Variants in SNAP91 observed in about 807,000 individuals in gnomAD.
SNAP91 encodes the protein synaptosome associated protein 91.
Under a neutral mutation model 100.3 loss-of-function variants are expected in SNAP91, and 27 were observed. The observed-to-expected ratio is 0.27, with a 90% CI of 0.20 to 0.37. SNAP91 has a LOEUF of 0.37. Ranked by LOEUF, SNAP91 falls within the 10% of genes least tolerant of loss-of-function variation. SNAP91 has a pLI of 1.00. For missense variants in SNAP91, 986 were observed against 1,123.7 expected (o/e 0.88, Z 1.75); for synonymous variants, 404 against 398.6 (o/e 1.01, Z -0.16).
chr6:83,605,899 G>A, intron 13 of SNAP91, 96 bp from the exon 14 acceptor site: 1 of 1,036,460 alleles, frequency 9.6e-7, no homozygotes. Context: ...AAAGATTTTA[G>A]GTATTTTAAA....
rs567048104 is a variant in SNAP91 at position 83,648,166 on chromosome 6, A to C, written c.659-6964T>G. Among the ~76,000 whole-genome samples the C allele has an allele frequency of 1.1e-4, 17 of 152,288 alleles. No homozygotes were observed. In the South Asian group the frequency reaches 3.5e-3, roughly 32 times the overall value. ...CCACTAGTCTCTTTTCTGTCACTGT[A>C]AGTTAGTTTGCATTTTCTAAAATTT... On this transcript the variant is annotated intron_variant, in intron 7 of 29. Coordinates refer to ENST00000369694, the MANE Select transcript of SNAP91 (RefSeq NM_001242792.2).
intron 3 of SNAP91, among the ~76,000 whole-genome samples, chr6:83,662,681 T>G (rs1350767414): frequency 3.3e-5 from 5 of 152,138 alleles, no homozygotes; most frequent in Non-Finnish European, 7.4e-5. Flanking sequence ...TACATAAAAT[T>G]GGTAATTTTA....
intron 13 of SNAP91, 89 bp from the exon 14 acceptor site, chr6:83,605,892 G>T: frequency 1.9e-6 from 2 of 1,057,874 alleles, no homozygotes; most frequent in East Asian, 2.7e-5. Flanking sequence ...AATCATCAAA[G>T]ATTTTAGGTA....
In SNAP91 at chr6:83,591,533, T is replaced by C. The variant is rs1364616976; in HGVS notation, c.1931-239A>G. 2.6e-5 allele frequency among the ~76,000 whole-genome samples: 4 copies of C among 152,214 alleles called. No homozygotes were observed. In the East Asian group the frequency reaches 5.8e-4, roughly 22 times the overall value. On this transcript the variant is annotated intron_variant, in intron 21 of 29. Coordinates refer to ENST00000369694, the MANE Select transcript of SNAP91 (RefSeq NM_001242792.2). ...TTTGTAAGATTAAGGGAATTCTTTT[T>C]TTTTTCTAAGAATAAAATTTTTGGA... is the stretch of plus-strand genomic sequence containing the variant.
rs903096678 is a variant in SNAP91, at chr6:83,660,876, T to A, written c.452+626A>T. Among the ~76,000 whole-genome samples the A allele has an allele frequency of 2.0e-5, 3 of 151,644 alleles. No individual in the cohort carries two copies. The South Asian group carries it at 6.3e-4, about 32-fold the overall frequency. On this transcript the variant is annotated intron_variant, in intron 5 of 29. Coordinates refer to ENST00000369694, the MANE Select transcript of SNAP91 (RefSeq NM_001242792.2). ...TCACTGTAGCCTCAGTCTCCTAGGATCAAGCAATCCTCCTGCCTTAGCCTC... is the reference window on the plus strand; with the variant it reads ...TCACTGTAGCCTCAGTCTCCTAGGAACAAGCAATCCTCCTGCCTTAGCCTC...
chr6:83,561,553 T>C (rs1364001720), intron 26 of SNAP91, among the ~76,000 whole-genome samples: 1 of 152,184 alleles, frequency 6.6e-6, no homozygotes, highest in African/African-American at 2.4e-5. Flanking sequence ...AGATTGCTCA[T>C]AACATTGGGC....
intron 7 of SNAP91, among the ~76,000 whole-genome samples, chr6:83,642,290 T>C (rs943623476): frequency 4.6e-5 from 7 of 152,306 alleles, no homozygotes; most frequent in Middle Eastern, 6.8e-3. Context: ...GCTGCACCCA[T>C]TAACTCATCA....
chr6:83,574,276 T>C (rs979359292), intron 26 of SNAP91, among the ~76,000 whole-genome samples: 1 of 152,182 alleles, frequency 6.6e-6, no homozygotes, highest in Admixed American at 6.5e-5. Context: ...AATTATACAG[T>C]TTGCTACTCT....
At position 83,580,578 on chromosome 6, in the gene SNAP91, A is replaced by G. The variant is rs200771911; in HGVS notation, c.2171T>C (p.Leu724Pro). Residue 724 changes from leucine (L) to proline (P), a missense_variant, in exon 24 of 30, where the codon CTT (leucine) becomes CCT (proline). Coordinates refer to ENST00000369694, the MANE Select transcript of SNAP91 (RefSeq NM_001242792.2). ...AGCTGGTGCCATGGTTGGCATCAAA[A>G]GATCACCTAGACCATCAAACACTGG... The part of the protein sequence containing the change: ...DPSVFDGLGD[L>P]LMPTMAPAGQ... 1 of 1,612,978 alleles carries G rather than the reference A, an allele frequency of 6.2e-7. No homozygotes were observed. The highest frequency in any genetic ancestry group is 8.5e-7 in the Non-Finnish European group (1 of 1,179,560).
intron 2 of SNAP91, among the ~76,000 whole-genome samples, chr6:83,665,865 A>G (rs79072697): frequency 1.3e-5 from 2 of 152,078 alleles, no homozygotes; most frequent in African/African-American, 4.8e-5. Flanking sequence ...TGCCATTTTT[A>G]AAATTATAAA....
chr6:83,635,623 A>G (rs985963534), intron 8 of SNAP91, among the ~76,000 whole-genome samples: 2 of 151,250 alleles, frequency 1.3e-5, no homozygotes, highest in African/African-American at 4.9e-5. Flanking sequence ...CTTTTTTTTT[A>G]ATCCAACTTG....
intron 2 of SNAP91, among the ~76,000 whole-genome samples, chr6:83,683,091 C>T (rs2099014403): frequency 6.6e-6 from 1 of 152,060 alleles, no homozygotes; most frequent in Non-Finnish European, 1.5e-5. Flanking sequence ...TCAATCCTGA[C>T]CTAGTTTTTA....
chr6:83,629,103 C>A (rs986869940), intron 8 of SNAP91, among the ~76,000 whole-genome samples: 7 of 152,086 alleles, frequency 4.6e-5, no homozygotes, highest in Non-Finnish European at 8.8e-5. Flanking sequence ...TATCCCAGCA[C>A]CATTTATTGA....
intron 26 of SNAP91, among the ~76,000 whole-genome samples, chr6:83,561,655 T>C (rs184730102): frequency 6.6e-6 from 1 of 152,192 alleles, no homozygotes; most frequent in African/African-American, 2.4e-5. Context: ...TCTAATGGTA[T>C]TGGGTTAGAC....
chr6:83,556,295 G>T, intron 28 of SNAP91, 50 bp from the exon 29 acceptor site: 1 of 583,992 alleles, frequency 1.7e-6, no homozygotes. Context: ...AGCAGAGAGA[G>T]AATGAGACAT....
chr6:83,556,179 C>G lies in SNAP91; in HGVS notation c.2698G>C (p.Asp900His). The change falls in exon 29 of 30, where the codon GAT becomes CAT. Residue 900 changes from aspartate to histidine, a missense_variant. By Grantham distance (81) the Asp-to-His change is moderately conservative. This residue lies in a region of SNAP91 where 71 missense variants were observed against 68.5 expected (regional missense o/e 1.04). Transcript: ENST00000369694. Reference protein sequence around the residue: ...KKPPAKDPLADLNIKDFL With the variant: ...KKPPAKDPLAHLNIKDFL ...TACAAGAAATCCTTGATGTTAAGAT[C>G]CGCTAATGGGTCCTTTGCTGGAGGT... The G allele has an allele frequency of 6.4e-7, 1 of 1,570,824 alleles. No homozygotes were observed. Among genetic ancestry groups the G allele is most frequent in the Non-Finnish European group, 8.6e-7 (1 of 1,157,472 alleles).
chr6:83,592,523 G>A lies in SNAP91; in HGVS notation c.1862C>T (p.Ala621Val). The A allele has an allele frequency of 2.5e-6, 4 of 1,608,836 alleles. No individual in the cohort carries two copies. Among genetic ancestry groups the A allele is most frequent in the Non-Finnish European group, 3.4e-6 (4 of 1,177,534 alleles). ...ADLLSVDAFA[A>V]PSPATTASPA... is the part of the protein sequence containing the mutation. ...CGAGGCAGTGGTTGCAGGAGATGGT[G>A]CTGCAAATGCATCCACTGCAGTGAA... Residue 621 changes from alanine to valine, a missense_variant, in exon 21 of 30, where the codon GCA becomes GTA. Around this residue, in one of 4 missense-constraint regions of SNAP91, gnomAD observed 575 missense variants for 579.9 expected, o/e 0.99. Coordinates refer to ENST00000369694, the MANE Select transcript of SNAP91 (RefSeq NM_001242792.2).
intron 2 of SNAP91, 31 bp downstream of exon 2, chr6:83,707,767 G>GC: frequency 6.2e-7 from 1 of 1,610,452 alleles, no homozygotes; most frequent in Non-Finnish European, 8.5e-7. Flanking sequence ...TCTGCCGTGC[G>GC]CATGTCCCTC....
At chr6:83,568,780 T>C (rs1224901880) in intron 26 of SNAP91, among the ~76,000 whole-genome samples, 2 of 152,154 alleles carry the variant, frequency 1.3e-5, no homozygotes, top group Non-Finnish European at 2.9e-5. Flanking sequence ...GCAAAAGGAT[T>C]CCCCTTCCCA....
Sources: allele counts gnomAD v4.1 joint callset (sites outside exome capture counted in the v4.1 genomes callset), GRCh38; gene constraint gnomAD v4.1.1; regional missense constraint gnomAD v4.1.1; transcripts MANE v1.5; gene names NCBI Gene and HGNC (gene_info 2026-07-23, HGNC 2026-07-21).